Variants in DAPK1 observed in about 807,000 individuals in gnomAD.
DAPK1 encodes death associated protein kinase 1.
DAPK1 carries 56 observed loss-of-function variants against 144.9 expected under a neutral mutation model. That is an observed-to-expected ratio of 0.39 (90% CI 0.31 to 0.48). The LOEUF (loss-of-function observed/expected upper bound fraction) is 0.48, where lower values mean the gene tolerates loss of function less well. DAPK1 is among the 20% of genes least tolerant of loss of function. The probability of loss-of-function intolerance (pLI) is 0.95; values close to 1 mark genes in which losing one functional copy is unlikely to be tolerated. For missense variants in DAPK1, 1,454 were observed against 1,875.4 expected (o/e 0.78, Z 4.15); for synonymous variants, 690 against 749.0 (o/e 0.92, Z 1.29).
intron 5 of DAPK1, 72 bp downstream of exon 5, chr9:87,639,555 ATTCT>A (rs1830024059): frequency 6.2e-7 from 1 of 1,610,990 alleles, no homozygotes; most frequent in African/African-American, 1.3e-5. Context: ...CTGCTAGAAG[ATTCT>A]TTCCCTGCTA....
intron 18 of DAPK1, among the ~76,000 whole-genome samples, chr9:87,663,990 C>T (rs1191296877): frequency 6.6e-6 from 1 of 152,162 alleles, no homozygotes; most frequent in Non-Finnish European, 1.5e-5. Context: ...TGGTTAAGGG[C>T]GTCACCCTTA....
Position 87,604,934 on chromosome 9 carries a change from C to T in DAPK1, c.63-20C>T. The T allele has an allele frequency of 1.9e-6, 3 of 1,607,934 alleles. No homozygotes were observed. The highest frequency in any genetic ancestry group is 2.6e-6 in the Non-Finnish European group (3 of 1,174,814). On this transcript the variant is annotated intron_variant, in intron 2 of 25. Coordinates refer to ENST00000408954, the MANE Select transcript of DAPK1 (RefSeq NM_004938.4). ...GTTTTTTTTATGAACGATAAAGAAT[C>T]CTCCATCTTCTCTTTTCAGTGGACA...
intron 3 of DAPK1, among the ~76,000 whole-genome samples, chr9:87,619,061 G>A (rs1433980633): frequency 6.6e-6 from 1 of 151,990 alleles, no homozygotes; most frequent in Admixed American, 6.6e-5. Context: ...CTTTGCCTCT[G>A]CCCTGATGCT....
intron 2 of DAPK1, among the ~76,000 whole-genome samples, chr9:87,564,717 A>G (rs1013503916): frequency 2.0e-5 from 3 of 152,152 alleles, no homozygotes; most frequent in Non-Finnish European, 4.4e-5. Context: ...TTAATCTGGA[A>G]CCAGCTCCCA....
At chr9:87,629,973 A>T (rs3128525) in intron 3 of DAPK1, among the ~76,000 whole-genome samples, 4 of 151,886 alleles carry the variant, frequency 2.6e-5, no homozygotes, top group South Asian at 2.1e-4. Context: ...CCAGTGTGCT[A>T]TGAGGGAGCC....
chr9:87,529,384 A>G (rs1376323010), intron 2 of DAPK1, among the ~76,000 whole-genome samples: 2 of 152,158 alleles, frequency 1.3e-5, no homozygotes, highest in South Asian at 2.1e-4. Flanking sequence ...ACTAGTACCT[A>G]GTAGTTTCTA....
intron 2 of DAPK1, among the ~76,000 whole-genome samples, chr9:87,519,709 C>G (rs1563971430): frequency 6.6e-6 from 1 of 152,208 alleles, no homozygotes; most frequent in Non-Finnish European, 1.5e-5. Context: ...TGAGGTAGCA[C>G]TGCTTCTGAC....
chr9:87,647,427 A>C (rs778816744), intron 14 of DAPK1, 24 bp downstream of exon 14: 4 of 1,596,100 alleles, frequency 2.5e-6, no homozygotes, highest in African/African-American at 2.7e-5. Flanking sequence ...TCTTAGGAGG[A>C]ACATGAGGTG....
chr9:87,646,748 T>A (rs1830280180), intron 13 of DAPK1, among the ~76,000 whole-genome samples, 189 bp downstream of exon 13: 1 of 152,234 alleles, frequency 6.6e-6, no homozygotes, highest in Admixed American at 6.5e-5. Context: ...CATTTATCAT[T>A]TATCCTCCCC....
At chr9:87,540,887 T>C (rs1163776732) in intron 2 of DAPK1, among the ~76,000 whole-genome samples, 1 of 152,184 alleles carries the variant, frequency 6.6e-6, no homozygotes, top group Non-Finnish European at 1.5e-5. Flanking sequence ...CACACCAAAC[T>C]GTTTTCTCTT....
At chr9:87,688,351 C>G (rs1397880840) in intron 21 of DAPK1, among the ~76,000 whole-genome samples, 1 of 152,056 alleles carries the variant, frequency 6.6e-6, no homozygotes, top group Non-Finnish European at 1.5e-5. Context: ...TTGATGGGCG[C>G]CTAGGTTGAC....
At chr9:87,698,533 A>T (rs1825339670) in intron 22 of DAPK1, 123 bp from the exon 23 acceptor site, 1 of 687,782 alleles carries the variant, frequency 1.5e-6, no homozygotes, top group South Asian at 1.7e-5. Flanking sequence ...TCTCTGTGGC[A>T]TGTTGCACTT....
intron 3 of DAPK1, chr9:87,633,342 ATATGTGCG>A: frequency 2.0e-6 from 2 of 985,046 alleles, no homozygotes; most frequent in African/African-American, 3.5e-5. Context: ...GAAGATGAGT[ATATGTGCG>A]TATGGGTGAG....
chr9:87,662,330 T>C (rs879519054), intron 18 of DAPK1, among the ~76,000 whole-genome samples: 11 of 152,198 alleles, frequency 7.2e-5, no homozygotes, highest in African/African-American at 2.2e-4. Flanking sequence ...ATATGAACTT[T>C]AGAGTTGTTA....
intron 2 of DAPK1, among the ~76,000 whole-genome samples, chr9:87,567,055 A>T (rs533852977): frequency 1.1e-5 from 1 of 93,196 alleles, no homozygotes; most frequent in African/African-American, 3.1e-5. Context: ...TAATCTGAAG[A>T]TATAGATGGA....
chr9:87,498,107 G>C lies in DAPK1; in HGVS notation c.-109G>C. 2.5e-6 allele frequency: 1 copy of C among 397,588 alleles called. No homozygotes were observed. Among genetic ancestry groups the C allele is most frequent in the Non-Finnish European group, 4.4e-6 (1 of 225,604 alleles). 24.6% of individuals were successfully genotyped at this position (397,588 alleles called of 1,614,324 possible). A position where few individuals can be genotyped will look rare whatever the true frequency, so the allele number is the denominator to read the frequency against. ...GACCGGGGGAGCTCCCAGGCGCCCG[G>C]GTGAGTAGCCAGGCGCGGCTCCCCG... On this transcript the variant is annotated splice_region_variant and 5_prime_UTR_variant, in exon 1 of 26. Coordinates refer to ENST00000408954, the MANE Select transcript of DAPK1 (RefSeq NM_004938.4).
chr9:87,545,584 T>A (rs765345499), intron 2 of DAPK1, among the ~76,000 whole-genome samples: 2 of 152,152 alleles, frequency 1.3e-5, no homozygotes, highest in African/African-American at 2.4e-5. Context: ...TTTGCTCTTG[T>A]CACCCAGGCT....
At chr9:87,624,455 A>T (rs1829419530) in intron 3 of DAPK1, among the ~76,000 whole-genome samples, 1 of 152,350 alleles carries the variant, frequency 6.6e-6, no homozygotes, top group African/African-American at 2.4e-5. Flanking sequence ...CTGGCACAGC[A>T]TCACTTCTTT....
chr9:87,561,353 C>A (rs1186454063), intron 2 of DAPK1, among the ~76,000 whole-genome samples: 2 of 152,074 alleles, frequency 1.3e-5, no homozygotes, highest in African/African-American at 4.8e-5. Flanking sequence ...GGTGAAACCT[C>A]GTCTCTCCTA....
Sources: gnomAD v4.1 joint callset for allele counts (sites outside exome capture counted in the v4.1 genomes callset) on GRCh38, gnomAD v4.1.1 for gene constraint, MANE v1.5 for transcripts, NCBI Gene and HGNC (gene_info 2026-07-23, HGNC 2026-07-21) for gene names.